Variants in SKAP2 observed in about 807,000 individuals in gnomAD.
SKAP2 encodes the protein src kinase-associated phosphoprotein 2.
A neutral mutation model predicts 54.9 loss-of-function variants in SKAP2; 28 were observed. The observed-to-expected ratio is 0.51, with a 90% CI of 0.38 to 0.70. The LOEUF (loss-of-function observed/expected upper bound fraction) is 0.70, where lower values mean the gene tolerates loss of function less well. Among genes scored for constraint, SKAP2 ranks in the 30% least tolerant of loss-of-function variants. SKAP2 has a pLI of 0.00. For missense variants in SKAP2, 356 were observed against 424.1 expected (o/e 0.84, Z 1.41); for synonymous variants, 137 against 134.3 (o/e 1.02, Z -0.14).
At chr7:26,852,623 T>C (rs780608318) in intron 3 of SKAP2, among the ~76,000 whole-genome samples, 1 of 152,216 alleles carries the variant, frequency 6.6e-6, no homozygotes, top group Non-Finnish European at 1.5e-5. Flanking sequence ...CCATTCTCTT[T>C]AGAGACAAAG....
chr7:26,700,307 G>A (rs1378349124), intron 9 of SKAP2, among the ~76,000 whole-genome samples: 1 of 152,132 alleles, frequency 6.6e-6, no homozygotes, highest in Non-Finnish European at 1.5e-5. Flanking sequence ...CTGGGTTCCA[G>A]TAATTAGTGT....
At chr7:26,826,191 C>T (rs913822513) in intron 4 of SKAP2, among the ~76,000 whole-genome samples, 8 of 152,098 alleles carry the variant, frequency 5.3e-5, no homozygotes, top group Admixed American at 1.3e-4. Context: ...CCAAGGATTC[C>T]TGCTGCAATT....
chr7:26,725,540 C>T lies in SKAP2; in HGVS notation c.684G>A (p.Glu228=). ...ATAATTCTCCTCTCTCATCATAATCCTCAGGAATAATATCAGATTCCATAT... is the reference window on the plus strand; with the variant it reads ...ATAATTCTCCTCTCTCATCATAATCTTCAGGAATAATATCAGATTCCATAT... ...LQDMESDIIP[E]DYDERGELYD... is the part of the protein sequence containing the mutation. Residue 228 remains glutamate (E), a synonymous_variant, in exon 9 of 13, where the codon GAG becomes GAA. Transcript: ENST00000345317. 1 of 1,607,014 alleles carries T rather than the reference C, an allele frequency of 6.2e-7. No individual in the cohort carries two copies. Among genetic ancestry groups the T allele is most frequent in the Admixed American group, 1.7e-5 (1 of 59,620 alleles).
chr7:26,793,399 A>G (rs1385377596), intron 4 of SKAP2, among the ~76,000 whole-genome samples: 1 of 152,206 alleles, frequency 6.6e-6, no homozygotes, highest in Non-Finnish European at 1.5e-5. Flanking sequence ...TATCCATACA[A>G]GAGAAGCCAC....
intron 6 of SKAP2, 22 bp from the exon 7 acceptor site, chr7:26,727,028 A>G: frequency 6.4e-7 from 1 of 1,562,904 alleles, no homozygotes; most frequent in East Asian, 2.3e-5. Context: ...AAAACCAGTT[A>G]GAATTTCATT....
At chr7:26,806,969 T>TTC (rs1216853604) in intron 4 of SKAP2, among the ~76,000 whole-genome samples, 1 of 152,154 alleles carries the variant, frequency 6.6e-6, no homozygotes, top group African/African-American at 2.4e-5. Flanking sequence ...GGTTCAGGAC[T>TTC]TCAGTGGAGA....
At chr7:26,686,599 G>A (rs1786647192) in intron 10 of SKAP2, among the ~76,000 whole-genome samples, 1 of 151,948 alleles carries the variant, frequency 6.6e-6, no homozygotes, top group Non-Finnish European at 1.5e-5. Flanking sequence ...AATTTTAAAA[G>A]AAAAAAATCA....
At chr7:26,708,498 T>A (rs1484697992) in intron 9 of SKAP2, among the ~76,000 whole-genome samples, 1 of 152,254 alleles carries the variant, frequency 6.6e-6, no homozygotes, top group Non-Finnish European at 1.5e-5. Context: ...GAATGTGCTA[T>A]AATCTGGTCT....
chr7:26,676,072 A>C (rs1786343575), intron 11 of SKAP2, among the ~76,000 whole-genome samples: 1 of 152,162 alleles, frequency 6.6e-6, no homozygotes, highest in South Asian at 2.1e-4. Context: ...TTTTGTTTAT[A>C]TTTATATTCT....
chr7:26,685,348 A>G (rs185310835), intron 10 of SKAP2, among the ~76,000 whole-genome samples: 1 of 151,310 alleles, frequency 6.6e-6, no homozygotes, highest in Admixed American at 6.6e-5. Flanking sequence ...ACCAAAATTA[A>G]AAAAAAAATA....
intron 4 of SKAP2, among the ~76,000 whole-genome samples, chr7:26,786,129 C>T (rs891926825): frequency 6.6e-6 from 1 of 152,160 alleles, no homozygotes; most frequent in African/African-American, 2.4e-5. Context: ...GGTCTAAGGG[C>T]TGTACCGGCA....
At chr7:26,768,653 G>C (rs1450155596) in intron 4 of SKAP2, among the ~76,000 whole-genome samples, 2 of 152,136 alleles carry the variant, frequency 1.3e-5, no homozygotes, top group Non-Finnish European at 2.9e-5. Context: ...GGCAGGCCCG[G>C]TGGTGACAAA....
At chr7:26,724,135 T>C (rs149963080) in intron 9 of SKAP2, among the ~76,000 whole-genome samples, 83 of 152,292 alleles carry the variant, frequency 5.5e-4, no homozygotes, top group African/African-American at 1.9e-3. Flanking sequence ...AAATACAATA[T>C]GTAGATGCAT....
chr7:26,780,395 T>C (rs771030891), intron 4 of SKAP2, among the ~76,000 whole-genome samples: 17 of 152,206 alleles, frequency 1.1e-4, no homozygotes, highest in East Asian at 1.9e-4. Context: ...CATTGTTGCA[T>C]AGGGGCTATC....
chr7:26,655,916 G>C, the SKAP2 span, among the ~76,000 whole-genome samples: 2 of 152,162 alleles, frequency 1.3e-5, no homozygotes, highest in South Asian at 4.1e-4. Flanking sequence ...AGCATAAAGA[G>C]GCAATGTGTC....
At chr7:26,830,412 A>G (rs981677068) in intron 4 of SKAP2, among the ~76,000 whole-genome samples, 2 of 152,202 alleles carry the variant, frequency 1.3e-5, no homozygotes, top group African/African-American at 4.8e-5. Flanking sequence ...GGTTAAATAT[A>G]TCTCAATAAA....
Position 26,861,739 on chromosome 7 carries a change from G to T in SKAP2, c.67+2624C>A, listed in dbSNP as rs528857427. On this transcript the variant is annotated intron_variant, in intron 1 of 12. Coordinates refer to ENST00000345317, the MANE Select transcript of SKAP2 (RefSeq NM_003930.5). ...TGCCATAATCAGACAGAAAAATAAA[G>T]AGAAAGAAAAATAATAAATAAGAAT... is the stretch of plus-strand genomic sequence containing the variant. 1.4e-4 allele frequency among the ~76,000 whole-genome samples: 21 copies of T among 147,356 alleles called. No homozygotes were observed. In the East Asian group the frequency reaches 4.2e-3, roughly 30 times the overall value.
intron 9 of SKAP2, among the ~76,000 whole-genome samples, chr7:26,719,824 A>C (rs1359346133): frequency 6.6e-6 from 1 of 152,206 alleles, no homozygotes; most frequent in African/African-American, 2.4e-5. Flanking sequence ...CTGTGTCCAT[A>C]AAAATGAATT....
intron 10 of SKAP2, among the ~76,000 whole-genome samples, chr7:26,687,207 A>G (rs1786666225): frequency 1.3e-5 from 2 of 150,160 alleles, no homozygotes; most frequent in African/African-American, 4.9e-5. Flanking sequence ...GAGTTACAGG[A>G]GCACATGAGG....
Sources: allele counts gnomAD v4.1 joint callset (sites outside exome capture counted in the v4.1 genomes callset), GRCh38; gene constraint gnomAD v4.1.1; transcripts MANE v1.5; gene names NCBI Gene and HGNC (gene_info 2026-07-23, HGNC 2026-07-21).